Variants in WDR12 observed in about 807,000 individuals in gnomAD.
WDR12 encodes the protein WD repeat domain 12.
In WDR12, 42 loss-of-function variants were observed where a neutral mutation model predicts 64.3. The observed-to-expected ratio is 0.65, with a 90% CI of 0.51 to 0.84. WDR12 has a LOEUF of 0.84. Ranked by LOEUF, WDR12 falls within the 40% of genes least tolerant of loss-of-function variation. The probability of loss-of-function intolerance (pLI) is 0.00; values close to 1 mark genes in which losing one functional copy is unlikely to be tolerated. For missense variants in WDR12, 469 were observed against 494.6 expected (o/e 0.95, Z 0.49); for synonymous variants, 158 against 173.3 (o/e 0.91, Z 0.70).
rs775198047 is a variant in WDR12, at chr2:202,911,500, C to T, written c.-24G>A. The T allele has an allele frequency of 7.4e-6, 12 of 1,613,522 alleles. No individual in the cohort carries two copies. The South Asian group carries it at 1.2e-4, about 16-fold the overall frequency. ...ATGGCGAGGAGTACACACGACTTGCCCACGGAAACGTACGGGTTAGCAGAC... is the reference window on the plus strand; with the variant it reads ...ATGGCGAGGAGTACACACGACTTGCTCACGGAAACGTACGGGTTAGCAGAC... On this transcript the variant is annotated 5_prime_UTR_variant, in exon 1 of 13. Coordinates refer to ENST00000261015, the MANE Select transcript of WDR12 (RefSeq NM_018256.4).
At chr2:202,883,427 T>A in intron 11 of WDR12, 182 bp downstream of exon 11, 1 of 597,516 alleles carries the variant, frequency 1.7e-6, no homozygotes. Flanking sequence ...TGAGCCACTG[T>A]GCCTGGCCAA....
At chr2:202,911,023 T>C (rs1454383438) in intron 1 of WDR12, among the ~76,000 whole-genome samples, 1 of 152,152 alleles carries the variant, frequency 6.6e-6, no homozygotes, top group Non-Finnish European at 1.5e-5. Flanking sequence ...AGGCAGCATA[T>C]AATTAGTTTT....
At position 202,901,095 on chromosome 2, in the gene WDR12, T is replaced by C. The variant is rs1187987872; in HGVS notation, c.161A>G (p.Asp54Gly). ...CAGAAACTGGCCCTTAATAAGGAAA[T>C]CAAACTCCACATGTTTGTGGAACTC... ...KNEFHKHVEF[D>G]FLIKGQFLRM... The change falls in exon 3 of 13, where the codon GAT (aspartate) becomes GGT (glycine). Residue 54 changes from aspartate to glycine, a missense_variant. By Grantham distance (94) the Asp-to-Gly change is moderately conservative (BLOSUM62 -1). Coordinates refer to ENST00000261015, the MANE Select transcript of WDR12 (RefSeq NM_018256.4). 3 of 1,599,366 alleles carry C rather than the reference T, an allele frequency of 1.9e-6. No individual in the cohort carries two copies. The highest frequency in any genetic ancestry group is 2.7e-5 in the African/African-American group (2 of 74,812).
Position 202,878,851 on chromosome 2 carries a change from A to G in WDR12, c.*2009T>C, listed in dbSNP as rs1687904021. The G allele has an allele frequency of 6.6e-6, 1 of 152,262 alleles. No homozygotes were observed. Among genetic ancestry groups the G allele is most frequent in the East Asian group, 1.9e-4 (1 of 5,206 alleles). The allele number at this position is 152,262 out of a possible 1,614,324, so 9.4% of individuals were successfully genotyped here. On this transcript the variant is annotated 3_prime_UTR_variant, in exon 13 of 13. Transcript: ENST00000261015. ...GTATCAATCCATTAATAATGGAAAT[A>G]ACATTTAAAAAATACATTTACTTTA...
chr2:202,880,982 A>T, intron 12 of WDR12, 45 bp from the exon 13 acceptor site: 4 of 1,487,266 alleles, frequency 2.7e-6, no homozygotes, highest in Non-Finnish European at 3.7e-6. Flanking sequence ...AAATAAATAT[A>T]ATTATTTCAC....
At chr2:202,908,109 G>C in intron 1 of WDR12, 150 bp from the exon 2 acceptor site, 1 of 717,120 alleles carries the variant, frequency 1.4e-6, no homozygotes, top group East Asian at 2.8e-5. Context: ...ATTAAAACAT[G>C]GTCTCTGTTC....
chr2:202,907,509 G>T (rs901919638), intron 2 of WDR12, among the ~76,000 whole-genome samples: 2 of 151,900 alleles, frequency 1.3e-5, no homozygotes, highest in Admixed American at 6.6e-5. Context: ...TAGTAAATGG[G>T]GCCTAAGCAC....
At chr2:202,909,061 G>C (rs1187065961) in intron 1 of WDR12, among the ~76,000 whole-genome samples, 6 of 152,182 alleles carry the variant, frequency 3.9e-5, no homozygotes, top group African/African-American at 1.2e-4. Context: ...AAAATATGGA[G>C]CAATTGGAAC....
chr2:202,881,377 C>A (rs1405019687), intron 12 of WDR12, among the ~76,000 whole-genome samples: 1 of 152,098 alleles, frequency 6.6e-6, no homozygotes, highest in Non-Finnish European at 1.5e-5. Context: ...AATTGTAATT[C>A]TTTAAACACA....
intron 1 of WDR12, among the ~76,000 whole-genome samples, chr2:202,908,689 T>C (rs1453785183): frequency 1.3e-5 from 2 of 152,220 alleles, no homozygotes; most frequent in Non-Finnish European, 2.9e-5. Context: ...AATGAAGAAC[T>C]ATCACAGCAG....
intron 8 of WDR12, among the ~76,000 whole-genome samples, chr2:202,886,767 C>CA (rs60735682): frequency 0.51 from 40,228 of 78,540 alleles, 8,665 homozygotes; most frequent in East Asian, 0.66. Context: ...AACTCCATCT[C>CA]AAAAAAAAAA....
rs747854881 is a variant in WDR12 at position 202,896,424 on chromosome 2, T to C, written c.455-205A>G. Among the ~76,000 whole-genome samples the C allele has an allele frequency of 3.3e-4, 49 of 150,488 alleles. 1 individual carries two copies. The highest frequency in any genetic ancestry group is 6.1e-4 in the Non-Finnish European group (41 of 66,962). On this transcript the variant is annotated intron_variant, in intron 5 of 12. Transcript: ENST00000261015. ...GATGACGATGACTGGGTGTGGTGGC[T>C]CACGCCTGTAAATACTGACATTTTG...
At chr2:202,881,016 A>G in intron 12 of WDR12, 79 bp from the exon 13 acceptor site, 1 of 1,245,058 alleles carries the variant, frequency 8.0e-7, no homozygotes, top group Non-Finnish European at 1.1e-6. Context: ...CTAATTAAAT[A>G]CTAATGATTT....
At chr2:202,890,141 T>A (rs1039990091) in intron 8 of WDR12, among the ~76,000 whole-genome samples, 3 of 151,582 alleles carry the variant, frequency 2.0e-5, no homozygotes, top group Non-Finnish European at 4.4e-5. Flanking sequence ...GGTGGGAAGA[T>A]CACCTCAGTC....
chr2:202,903,854 A>G (rs1180047088), intron 2 of WDR12, among the ~76,000 whole-genome samples: 2 of 152,088 alleles, frequency 1.3e-5, no homozygotes, highest in Admixed American at 1.3e-4. Flanking sequence ...GACATTGAAG[A>G]GGGCTGGGTG....
intron 12 of WDR12, among the ~76,000 whole-genome samples, chr2:202,881,934 C>A (rs1687955120): frequency 6.6e-6 from 1 of 151,924 alleles, no homozygotes; most frequent in Non-Finnish European, 1.5e-5. Flanking sequence ...ATTTACTATT[C>A]CTAGTATTAT....
intron 2 of WDR12, among the ~76,000 whole-genome samples, chr2:202,903,505 G>GAAGGAAGGA (rs1559163910): frequency 1.9e-5 from 2 of 104,574 alleles, no homozygotes; most frequent in African/African-American, 4.4e-5. Context: ...GGAAGGAAGT[G>GAAGGAAGGA]AGGGAGGGAG....
rs143012916 is a variant in WDR12, at chr2:202,896,309, G to A, written c.455-90C>T. ...TGAAACCAAAGAACTAAATTTTTTTGTTGTTATTGAAAAAGATGTTAAAAA... is the reference window on the plus strand; with the variant it reads ...TGAAACCAAAGAACTAAATTTTTTTATTGTTATTGAAAAAGATGTTAAAAA... On this transcript the variant is annotated intron_variant, in intron 5 of 12. Coordinates refer to ENST00000261015, the MANE Select transcript of WDR12 (RefSeq NM_018256.4). The A allele has an allele frequency of 1.0e-4, 142 of 1,370,912 alleles. No homozygotes were observed. The African/African-American group carries it at 1.9e-3, about 18-fold the overall frequency. 84.9% of individuals were successfully genotyped at this position (1,370,912 alleles called of 1,614,324 possible).
chr2:202,903,500 G>GT (rs1559163892), intron 2 of WDR12, among the ~76,000 whole-genome samples: 54 of 115,224 alleles, frequency 4.7e-4, no homozygotes, highest in Middle Eastern at 5.1e-3. Flanking sequence ...AGGAAGGAAG[G>GT]AAGTGAGGGA....
Sources: allele counts gnomAD v4.1 joint callset (sites outside exome capture counted in the v4.1 genomes callset), GRCh38; gene constraint gnomAD v4.1.1; transcripts MANE v1.5; gene names NCBI Gene and HGNC (gene_info 2026-07-23, HGNC 2026-07-21).